Variants in FAU observed in about 807,000 individuals in gnomAD.
FAU encodes the protein FAU ubiquitin like and ribosomal protein S30 fusion.
For missense variants in FAU, 125 were observed against 173.9 expected, an observed-to-expected ratio of 0.72 and a Z score of 1.58; for synonymous variants, 70 against 69.9, an observed-to-expected ratio of 1.00 and a Z score of -0.01.
Position 65,121,626 on chromosome 11 carries a change from C to G in FAU, c.94G>C (p.Glu32Gln). 6.2e-7 allele frequency: 1 copy of G among 1,613,984 alleles called. No individual in the cohort carries two copies. The highest frequency in any genetic ancestry group is 1.1e-5 in the South Asian group (1 of 91,082). ...AQIKAHVASL[E>Q]GIAPEDQVVL... is the part of the protein sequence containing the mutation. ...ACTTGATCTTCCGGGGCAATGCCCTCCAGTGAGGCTACATGAGCCTACAGG... is the reference window on the plus strand; with the variant it reads ...ACTTGATCTTCCGGGGCAATGCCCTGCAGTGAGGCTACATGAGCCTACAGG... Residue 32 changes from glutamate to glutamine, a missense_variant, in exon 3 of 5, where the codon GAG becomes CAG. By Grantham distance (29) the Glu-to-Gln change is conservative (BLOSUM62 2). Coordinates refer to ENST00000529639, the MANE Select transcript of FAU (RefSeq NM_001997.5).
chr11:65,121,926 G>T (rs934390648), intron 1 of FAU, 105 bp from the exon 2 acceptor site: 4 of 1,225,048 alleles, frequency 3.3e-6, no homozygotes, highest in Non-Finnish European at 4.6e-6. Flanking sequence ...CGGGATGGTG[G>T]TCGCGGCGGC....
At position 65,122,124 on chromosome 11, in the gene FAU, T is replaced by C; in HGVS notation, c.-43A>G. 1.7e-6 allele frequency: 1 copy of C among 601,776 alleles called. No individual in the cohort carries two copies. The highest frequency in any genetic ancestry group is 2.9e-6 in the Non-Finnish European group (1 of 339,872). 37.3% of individuals were successfully genotyped at this position (601,776 alleles called of 1,614,324 possible). Reference sequence around the variant, plus strand: ...GGTCCCAGCTACCGCGAAGATGGAGTCGAGAAAGAGGAAGAAGCGAGGGCG... The same window carrying C: ...GGTCCCAGCTACCGCGAAGATGGAGCCGAGAAAGAGGAAGAAGCGAGGGCG... On this transcript the variant is annotated 5_prime_UTR_variant, in exon 1 of 5. Coordinates refer to ENST00000529639, the MANE Select transcript of FAU (RefSeq NM_001997.5).
rs1948054670 is a variant in FAU, at chr11:65,122,085, C to G, written c.-9+5G>C. On this transcript the variant is annotated splice_donor_5th_base_variant and intron_variant, in intron 1 of 4. Transcript: ENST00000529639. ...CTTCGGATCCAGCCAAGGCCCCATT[C>G]TTACCTGAACGGCGGTCCCAGCTAC... 1 of 600,266 alleles carries G rather than the reference C, an allele frequency of 1.7e-6. No homozygotes were observed. The highest frequency in any genetic ancestry group is 2.0e-5 in the South Asian group (1 of 50,614). 37.2% of individuals were successfully genotyped at this position (600,266 alleles called of 1,614,324 possible).
At chr11:65,120,889 G>A (rs1948040765) in intron 4 of FAU, 83 bp from the exon 5 acceptor site, 1 of 1,609,648 alleles carries the variant, frequency 6.2e-7, no homozygotes, top group African/African-American at 1.3e-5. Flanking sequence ...TCCAGGGAGG[G>A]AGAAGGCAAA....
rs780610603 is a variant in FAU, at chr11:65,121,497, C to T, written c.220+3G>A. On this transcript the variant is annotated splice_donor_region_variant and intron_variant, in intron 3 of 4. Coordinates refer to ENST00000529639, the MANE Select transcript of FAU (RefSeq NM_001997.5). ...CTTCAAAGAACATTCCTCTCTCACT[C>T]ACCTCCAAGCATGCGGCCTGCTACT... is the stretch of plus-strand genomic sequence containing the variant. 7 of 1,612,106 alleles carry T rather than the reference C, an allele frequency of 4.3e-6. No individual in the cohort carries two copies. The highest frequency in any genetic ancestry group is 1.3e-5 in the African/African-American group (1 of 74,858).
chr11:65,121,459 A>ACGCTTAC, intron 3 of FAU, 41 bp downstream of exon 3: 1 of 1,599,848 alleles, frequency 6.3e-7, no homozygotes, highest in South Asian at 1.1e-5. Flanking sequence ...CACTCACTAG[A>ACGCTTAC]CGCTTACCGG....
intron 2 of FAU, 43 bp downstream of exon 2, chr11:65,121,696 G>A (rs1298873184): frequency 6.2e-7 from 1 of 1,613,878 alleles, no homozygotes; most frequent in Admixed American, 1.7e-5. Flanking sequence ...CGAGAGTGAA[G>A]AGCACAAGAA....
chr11:65,121,775 G>A lies in FAU; in HGVS notation c.39C>T (p.Phe13=). 12 of 1,614,138 alleles carry A rather than the reference G, an allele frequency of 7.4e-6. No individual in the cohort carries two copies. The highest frequency in any genetic ancestry group is 1.1e-5 in the South Asian group (1 of 91,086). Residue 13 remains phenylalanine (F), a synonymous_variant, in exon 2 of 5, where the codon TTC becomes TTT. Coordinates refer to ENST00000529639, the MANE Select transcript of FAU (RefSeq NM_001997.5). ...CGACCGTTTCCTGGCCGGTCACCTCGAAGGTGTGTAGCTCCTGGGCGCGGA... is the reference window on the plus strand; with the variant it reads ...CGACCGTTTCCTGGCCGGTCACCTCAAAGGTGTGTAGCTCCTGGGCGCGGA... ...LFVRAQELHT[F]EVTGQETVAQ...
intron 4 of FAU, 43 bp from the exon 5 acceptor site, chr11:65,120,849 A>T (rs771675411): frequency 6.2e-7 from 1 of 1,612,260 alleles, no homozygotes; most frequent in East Asian, 2.2e-5. Flanking sequence ...CCTGTCTTCC[A>T]CACCTAGCAT....
intron 2 of FAU, 26 bp from the exon 3 acceptor site, chr11:65,121,670 G>A (rs911031090): frequency 6.8e-6 from 11 of 1,613,600 alleles, no homozygotes; most frequent in Non-Finnish European, 9.3e-6. Context: ...AGGCTCGTAA[G>A]CGTTCCCTCG....
intron 3 of FAU, 31 bp downstream of exon 3, chr11:65,121,469 G>C: frequency 2.5e-6 from 4 of 1,605,840 alleles, no homozygotes; most frequent in South Asian, 1.1e-5. Flanking sequence ...ACGCTTACCG[G>C]TACTTCAAAG....
chr11:65,121,399 T>C, intron 3 of FAU, 101 bp downstream of exon 3: 2 of 1,430,808 alleles, frequency 1.4e-6, no homozygotes, highest in East Asian at 4.6e-5. Flanking sequence ...CAGTGAGAAG[T>C]ACTCTATTAC....
At chr11:65,121,097 C>T (rs1590820750) in intron 3 of FAU, 61 bp from the exon 4 acceptor site, 1 of 1,548,980 alleles carries the variant, frequency 6.5e-7, no homozygotes, top group East Asian at 2.2e-5. Context: ...CAGCAGAACC[C>T]CTCTTTTCTC....
intron 1 of FAU, 33 bp downstream of exon 1, chr11:65,122,057 G>C (rs1187552976): frequency 3.3e-6 from 2 of 602,386 alleles, no homozygotes; most frequent in African/African-American, 3.7e-5. Context: ...CCTGCTACAA[G>C]CCCTTCGGAT....
Position 65,121,520 on chromosome 11 carries a change from A to G in FAU, c.200T>C (p.Val67Ala), listed in dbSNP as rs1948047331. The G allele has an allele frequency of 1.1e-5, 17 of 1,613,382 alleles. 1 individual carries two copies. Among genetic ancestry groups the G allele is most frequent in the Non-Finnish European group, 1.4e-5 (17 of 1,179,732 alleles). ...CGVEALTTLEVAGRMLGGKVH... is the reference protein window; with the variant it reads ...CGVEALTTLEAAGRMLGGKVH... Reference sequence around the variant, plus strand: ...CTCACCTCCAAGCATGCGGCCTGCTACTTCCAGGGTAGTCAGGGCCTCCAC... The same window carrying G: ...CTCACCTCCAAGCATGCGGCCTGCTGCTTCCAGGGTAGTCAGGGCCTCCAC... Residue 67 changes from valine (V) to alanine (A), a missense_variant, in exon 3 of 5, where the codon GTA becomes GCA. Val to Ala is a moderately conservative substitution (Grantham distance 64, BLOSUM62 0). Transcript: ENST00000529639.
In FAU at chr11:65,120,635, G is replaced by A. The variant is rs920886182; in HGVS notation, c.*46C>T. 6.2e-7 allele frequency: 1 copy of A among 1,610,704 alleles called. No homozygotes were observed. Among genetic ancestry groups the A allele is most frequent in the Non-Finnish European group, 8.5e-7 (1 of 1,178,664 alleles). On this transcript the variant is annotated 3_prime_UTR_variant, in exon 5 of 5. Coordinates refer to ENST00000529639, the MANE Select transcript of FAU (RefSeq NM_001997.5). ...GTAAAGATGAAACAATGCGATGACT[G>A]AACTAAGTGGCTTTTTTATTAGAGA... is the stretch of plus-strand genomic sequence containing the variant.
In FAU at chr11:65,121,615, G is replaced by T; in HGVS notation, c.105C>A (p.Ala35=). ...KAHVASLEGI[A]PEDQVVLLAG... is the part of the protein sequence containing the mutation. ...CCAGGAGCACGACTTGATCTTCCGG[G>T]GCAATGCCCTCCAGTGAGGCTACAT... Residue 35 remains alanine, a synonymous_variant, in exon 3 of 5, where the codon GCC becomes GCA. Coordinates refer to ENST00000529639, the MANE Select transcript of FAU (RefSeq NM_001997.5). The T allele has an allele frequency of 6.2e-7, 1 of 1,613,990 alleles. No individual in the cohort carries two copies. Among genetic ancestry groups the T allele is most frequent in the Non-Finnish European group, 8.5e-7 (1 of 1,180,028 alleles).
intron 1 of FAU, 81 bp downstream of exon 1, chr11:65,122,009 T>C: frequency 1.6e-6 from 1 of 633,322 alleles, no homozygotes; most frequent in Non-Finnish European, 2.7e-6. Context: ...CAGGCCCCGT[T>C]CTTCGGTTCC....
chr11:65,121,481 A>G lies in FAU; in HGVS notation c.220+19T>C. On this transcript the variant is annotated intron_variant, in intron 3 of 4. Coordinates refer to ENST00000529639, the MANE Select transcript of FAU (RefSeq NM_001997.5). ...TAGACGCTTACCGGTACTTCAAAGA[A>G]CATTCCTCTCTCACTCACCTCCAAG... The G allele has an allele frequency of 6.2e-7, 1 of 1,609,996 alleles. No individual in the cohort carries two copies. The highest frequency in any genetic ancestry group is 8.5e-7 in the Non-Finnish European group (1 of 1,177,894).
Sources: allele counts gnomAD v4.1 joint callset, GRCh38; gene constraint gnomAD v4.1.1; transcripts MANE v1.5; gene names NCBI Gene and HGNC (gene_info 2026-07-23, HGNC 2026-07-21).